HPS3: variants seen among roughly 807,000 people sequenced by gnomAD.
HPS3 encodes BLOC-2 complex member HPS3.
A neutral mutation model predicts 110.9 loss-of-function variants in HPS3; 79 were observed. That is an observed-to-expected ratio of 0.71 (90% confidence interval 0.59 to 0.86). The LOEUF is 0.86. HPS3 is among the 40% of genes least tolerant of loss of function. HPS3 has a pLI of 0.00. For missense variants in HPS3, 1,197 were observed against 1,206.2 expected (o/e 0.99, Z 0.11); for synonymous variants, 428 against 451.0 (o/e 0.95, Z 0.65).
At position 149,172,301 on chromosome 3, in the gene HPS3, G is replaced by GT. The variant is rs1317739591; in HGVS notation, c.*85dup. On this transcript the variant is annotated 3_prime_UTR_variant, in exon 17 of 17. Coordinates refer to ENST00000296051, the MANE Select transcript of HPS3 (RefSeq NM_032383.5). ...TGAATGCCAAAGTACAAGTAGAGGA[G>GT]TTTTTTATTTTATATATCACACACA... 1.0e-6 allele frequency: 1 copy of GT among 974,550 alleles called. No homozygotes were observed. The allele number at this position is 974,550 out of a possible 1,614,324, so 60.4% of individuals were successfully genotyped here. A position where few individuals can be genotyped will look rare whatever the true frequency, so the allele number is the denominator to read the frequency against.
chr3:149,159,944 A>G, intron 10 of HPS3, 102 bp from the exon 11 acceptor site: 1 of 815,874 alleles, frequency 1.2e-6, no homozygotes, highest in Non-Finnish European at 2.2e-6. Flanking sequence ...CTTACTTGGA[A>G]TGTTTGTGTC....
chr3:149,142,402 G>A (rs1722530436), intron 4 of HPS3, among the ~76,000 whole-genome samples: 1 of 152,132 alleles, frequency 6.6e-6, no homozygotes, highest in Non-Finnish European at 1.5e-5. Flanking sequence ...TAGAGCAGTT[G>A]TTTTCAACCC....
chr3:149,134,646 G>A (rs2108119982), intron 1 of HPS3, among the ~76,000 whole-genome samples: 1 of 152,330 alleles, frequency 6.6e-6, no homozygotes, highest in African/African-American at 2.4e-5. Context: ...CAGCATTGGG[G>A]TGAGTCAGAT....
chr3:149,140,123 G>A lies in HPS3; in HGVS notation c.337G>A (p.Val113Met). 6.2e-7 allele frequency: 1 copy of A among 1,613,870 alleles called. No homozygotes were observed. The highest frequency in any genetic ancestry group is 2.2e-5 in the East Asian group (1 of 44,886). ...RVCIRMIGHN[V>M]EGPFSKAFRD... Reference sequence around the variant, plus strand: ...GTGTATCCGAATGATTGGGCATAATGTGGAGGGACCATTCAGCAAAGCCTT... The same window carrying A: ...GTGTATCCGAATGATTGGGCATAATATGGAGGGACCATTCAGCAAAGCCTT... Residue 113 changes from valine to methionine, a missense_variant, in exon 2 of 17, where the codon GTG becomes ATG. Val to Met is a conservative substitution (Grantham distance 21). Transcript: ENST00000296051.
At chr3:149,156,493 T>C (rs1276255613) in intron 8 of HPS3, among the ~76,000 whole-genome samples, 1 of 152,212 alleles carries the variant, frequency 6.6e-6, no homozygotes, top group Non-Finnish European at 1.5e-5. Flanking sequence ...CCTTTCATTA[T>C]GTTTTATGAC....
chr3:149,139,207 T>C (rs1051553276), intron 1 of HPS3, among the ~76,000 whole-genome samples: 3 of 152,204 alleles, frequency 2.0e-5, no homozygotes, highest in Admixed American at 2.0e-4. Context: ...ATGTTAGATA[T>C]CCATGTATCA....
At chr3:149,132,533 T>A (rs1171713884) in intron 1 of HPS3, among the ~76,000 whole-genome samples, 1 of 152,248 alleles carries the variant, frequency 6.6e-6, no homozygotes, top group African/African-American at 2.4e-5. Flanking sequence ...TTCAAAAGAT[T>A]ACTGCACATT....
chr3:149,166,594 A>G (rs1193448304), intron 14 of HPS3, among the ~76,000 whole-genome samples: 2 of 152,132 alleles, frequency 1.3e-5, no homozygotes, highest in Non-Finnish European at 2.9e-5. Flanking sequence ...GTAATGTTCC[A>G]TTATCTGAGT....
chr3:149,134,225 G>A (rs1401027206), intron 1 of HPS3, among the ~76,000 whole-genome samples: 1 of 152,030 alleles, frequency 6.6e-6, no homozygotes, highest in Non-Finnish European at 1.5e-5. Context: ...TCCAATTTTG[G>A]TATTATAAAA....
At position 149,129,864 on chromosome 3, in the gene HPS3, C is replaced by T. The variant is rs2108112256; in HGVS notation, c.141C>T (p.Ala47=). ...AGCKVEAFAV[A]GQELCQPRCA... is the part of the protein sequence containing the mutation. ...GCAAGGTGGAGGCGTTCGCGGTGGC[C>T]GGCCAGGAGCTGTGCCAGCCGCGGT... Residue 47 remains alanine, a synonymous_variant, in exon 1 of 17, where the codon GCC becomes GCT. Transcript: ENST00000296051. 2.5e-6 allele frequency: 4 copies of T among 1,598,164 alleles called. No individual in the cohort carries two copies. Among genetic ancestry groups the T allele is most frequent in the Non-Finnish European group, 3.4e-6 (4 of 1,177,070 alleles).
At chr3:149,138,927 A>T (rs1010012723) in intron 1 of HPS3, among the ~76,000 whole-genome samples, 1 of 152,238 alleles carries the variant, frequency 6.6e-6, no homozygotes, top group Non-Finnish European at 1.5e-5. Context: ...TGCTGGTAAC[A>T]TGAATTTCTA....
chr3:149,157,517 G>T lies in HPS3; in HGVS notation c.1677G>T (p.Gly559=), dbSNP rs1723530390. The T allele has an allele frequency of 7.4e-6, 12 of 1,613,648 alleles. No individual in the cohort carries two copies. Among genetic ancestry groups the T allele is most frequent in the Non-Finnish European group, 9.3e-6 (11 of 1,179,730 alleles). Residue 559 remains glycine (G), a synonymous_variant, in exon 9 of 17, where the codon GGG becomes GGT. Transcript: ENST00000296051. ...EAFKESCGHL[G]DCYSRLDSQH... ...TTAAGGAAAGCTGTGGGCACCTTGGGGACTGTTACAGCAGGTGGGTGACAC... is the reference window on the plus strand; with the variant it reads ...TTAAGGAAAGCTGTGGGCACCTTGGTGACTGTTACAGCAGGTGGGTGACAC...
intron 2 of HPS3, 29 bp downstream of exon 2, chr3:149,140,527 G>A (rs745825304): frequency 1.2e-6 from 2 of 1,613,164 alleles, no homozygotes; most frequent in Admixed American, 3.3e-5. Context: ...TTGCTTTCTT[G>A]TTTTAGGAAT....
intron 1 of HPS3, among the ~76,000 whole-genome samples, chr3:149,130,680 T>G (rs1480431929): frequency 6.6e-6 from 1 of 152,188 alleles, no homozygotes; most frequent in Non-Finnish European, 1.5e-5. Flanking sequence ...CTTGGGAGGC[T>G]GAGGCAGGAG....
chr3:149,129,857 C>T lies in HPS3; in HGVS notation c.134C>T (p.Ala45Val), dbSNP rs939825099. ...VAAGCKVEAF[A>V]VAGQELCQPR... ...GCGGGCTGCAAGGTGGAGGCGTTCG[C>T]GGTGGCCGGCCAGGAGCTGTGCCAG... The change falls in exon 1 of 17, where the codon GCG (alanine) becomes GTG (valine). Residue 45 changes from alanine to valine, a missense_variant. Coordinates refer to ENST00000296051, the MANE Select transcript of HPS3 (RefSeq NM_032383.5). 3.7e-6 allele frequency: 6 copies of T among 1,600,158 alleles called. No homozygotes were observed. In the East Asian group the frequency reaches 9.0e-5, roughly 24 times the overall value.
chr3:149,157,950 AC>A (rs969425445), intron 9 of HPS3, among the ~76,000 whole-genome samples: 1 of 152,206 alleles, frequency 6.6e-6, no homozygotes, highest in African/African-American at 2.4e-5. Context: ...TAGCTGAAGG[AC>A]TTTTTTCCCA....
In HPS3 at chr3:149,153,658, C is replaced by T. The variant is rs370386446; in HGVS notation, c.1400+10C>T. The stretch of plus-strand genomic sequence containing the variant: ...CACCCAAGAGGCTTCTGTAAGCATC[C>T]CCTTGCCCCAGGCATTCCTGCCAGT... On this transcript the variant is annotated intron_variant, in intron 7 of 16. Coordinates refer to ENST00000296051, the MANE Select transcript of HPS3 (RefSeq NM_032383.5). 31 of 1,613,802 alleles carry T rather than the reference C, an allele frequency of 1.9e-5. No individual in the cohort carries two copies. The highest frequency in any genetic ancestry group is 4.4e-5 in the South Asian group (4 of 91,082).
rs1187673602 is a variant in HPS3, at chr3:149,162,751, A to G, written c.2354A>G (p.Gln785Arg). ...CTCTTGGTAGACTTTTGGGAAGCTCAGCTAGTGGCATGTCTCCCAGATGTG... is the reference window on the plus strand; with the variant it reads ...CTCTTGGTAGACTTTTGGGAAGCTCGGCTAGTGGCATGTCTCCCAGATGTG... ...PQLLVDFWEA[Q>R]LVACLPDVVL... Residue 785 changes from glutamine to arginine, a missense_variant, in exon 13 of 17, where the codon CAG becomes CGG. By Grantham distance (43) the Gln-to-Arg change is conservative. Transcript: ENST00000296051. 1.2e-6 allele frequency: 2 copies of G among 1,613,766 alleles called. No individual in the cohort carries two copies. The highest frequency in any genetic ancestry group is 3.3e-5 in the Admixed American group (2 of 60,000).
At chr3:149,149,383 C>T (rs1389890551) in intron 5 of HPS3, among the ~76,000 whole-genome samples, 2 of 152,208 alleles carry the variant, frequency 1.3e-5, no homozygotes, top group East Asian at 3.9e-4. Flanking sequence ...TCTCAGTTTA[C>T]TTCCCAAGGT....
Sources: allele counts gnomAD v4.1 joint callset (sites outside exome capture counted in the v4.1 genomes callset), GRCh38; gene constraint gnomAD v4.1.1; transcripts MANE v1.5; gene names NCBI Gene and HGNC (gene_info 2026-07-23, HGNC 2026-07-21).